MCTP1: variants seen among roughly 807,000 people sequenced by gnomAD.
The protein encoded by MCTP1 is multiple C2 and transmembrane domain containing 1.
MCTP1 carries 69 observed loss-of-function variants against 120.6 expected under a neutral mutation model. The ratio of observed to expected loss-of-function variants is 0.57; its 90% confidence interval spans 0.47 to 0.70. The LOEUF is 0.70. Ranked by LOEUF, MCTP1 falls within the 30% of genes least tolerant of loss-of-function variation. The pLI is 0.00. For missense variants in MCTP1, 1,203 were observed against 1,248.8 expected (o/e 0.96, Z 0.55); for synonymous variants, 529 against 493.1 (o/e 1.07, Z -0.96).
intron 2 of MCTP1, among the ~76,000 whole-genome samples, chr5:95,015,698 T>A (rs1361136526): frequency 1.3e-5 from 2 of 152,178 alleles, no homozygotes; most frequent in East Asian, 3.9e-4. Flanking sequence ...CATATCAATT[T>A]CTAGAGATTT....
intron 1 of MCTP1, among the ~76,000 whole-genome samples, chr5:95,243,339 G>T (rs1756380896): frequency 2.6e-5 from 4 of 152,344 alleles, no homozygotes; most frequent in South Asian, 4.1e-4. Context: ...CCAGTTAGAA[G>T]AAGTGATATT....
intron 2 of MCTP1, among the ~76,000 whole-genome samples, chr5:94,983,480 G>A (rs1581694195): frequency 1.3e-5 from 2 of 152,202 alleles, no homozygotes; most frequent in South Asian, 4.2e-4. Flanking sequence ...TTGGCTAGAG[G>A]CCTAAGCTGC....
intron 18 of MCTP1, among the ~76,000 whole-genome samples, chr5:94,780,112 A>G (rs763946514): frequency 6.6e-6 from 1 of 151,674 alleles, no homozygotes; most frequent in Non-Finnish European, 1.5e-5. Flanking sequence ...TGTGTTTGAC[A>G]TTTGATATGG....
Position 94,786,344 on chromosome 5 carries a change from T to C in MCTP1, c.2557-7181A>G, listed in dbSNP as rs564744590. ...CTTTAAAAATGGAGCATGTTTTGTGTGTCAAAAAATCATAAAGTCAGAAAA... is the reference window on the plus strand; with the variant it reads ...CTTTAAAAATGGAGCATGTTTTGTGCGTCAAAAAATCATAAAGTCAGAAAA... On this transcript the variant is annotated intron_variant, in intron 18 of 22. Transcript: ENST00000515393. Among the ~76,000 whole-genome samples the C allele has an allele frequency of 9.2e-5, 14 of 152,278 alleles. No individual in the cohort carries two copies. In the East Asian group the frequency reaches 2.7e-3, roughly 29 times the overall value.
intron 12 of MCTP1, among the ~76,000 whole-genome samples, chr5:94,886,953 T>C (rs1801490697): frequency 6.6e-6 from 1 of 152,196 alleles, no homozygotes; most frequent in Non-Finnish European, 1.5e-5. Flanking sequence ...CAGACATTTC[T>C]GACTCAAATA....
At chr5:94,924,187 A>C (rs551461262) in intron 6 of MCTP1, among the ~76,000 whole-genome samples, 166 bp from the exon 7 acceptor site, 2 of 152,226 alleles carry the variant, frequency 1.3e-5, no homozygotes, top group East Asian at 3.9e-4. Flanking sequence ...TGAGTAAATT[A>C]AAATTTTTGT....
At chr5:95,098,217 T>C (rs1756420830) in intron 1 of MCTP1, among the ~76,000 whole-genome samples, 1 of 152,216 alleles carries the variant, frequency 6.6e-6, no homozygotes, top group Non-Finnish European at 1.5e-5. Context: ...ATTTCTTCTC[T>C]TGTTACAGGT....
intron 1 of MCTP1, among the ~76,000 whole-genome samples, chr5:95,201,564 G>A (rs1367127138): frequency 2.5e-5 from 3 of 120,522 alleles, no homozygotes; most frequent in African/African-American, 9.4e-5. Context: ...GAGCACATTG[G>A]TGCTATCTTG....
At chr5:94,720,808 T>A (rs1760719260) in intron 19 of MCTP1, among the ~76,000 whole-genome samples, 1 of 152,236 alleles carries the variant, frequency 6.6e-6, no homozygotes, top group Non-Finnish European at 1.5e-5. Flanking sequence ...TTAATATTTT[T>A]ATAAGCTATC....
chr5:95,046,906 A>G (rs1744686028), intron 1 of MCTP1, among the ~76,000 whole-genome samples: 1 of 152,186 alleles, frequency 6.6e-6, no homozygotes, highest in Non-Finnish European at 1.5e-5. Context: ...GAAGTTCATG[A>G]AAGACTACGT....
At position 95,284,182 on chromosome 5, in the gene MCTP1, C is replaced by T. The variant is rs200472086; in HGVS notation, c.394G>A (p.Ala132Thr). ...GAGGCCGCCGCGGGCCCCTTTACGGCGGGGAGCAAATGCTCGCGGATCCGG... is the reference window on the plus strand; with the variant it reads ...GAGGCCGCCGCGGGCCCCTTTACGGTGGGGAGCAAATGCTCGCGGATCCGG... ...RRRIREHLLP[A>T]VKGPAAASGA... The change falls in exon 1 of 23, where the codon GCC becomes ACC. Residue 132 changes from alanine (A) to threonine (T), a missense_variant. Ala to Thr is a moderately conservative substitution (Grantham distance 58). Transcript: ENST00000515393. This position sits in a 1 kb window ranked among gnomAD's most constrained non-coding sequence, Gnocchi z 5.2. 3 of 1,550,794 alleles carry T rather than the reference C, an allele frequency of 1.9e-6. No individual in the cohort carries two copies. The highest frequency in any genetic ancestry group is 2.8e-5 in the African/African-American group (2 of 72,384).
At chr5:95,088,402 C>T (rs927376702) in intron 1 of MCTP1, among the ~76,000 whole-genome samples, 12 of 152,222 alleles carry the variant, frequency 7.9e-5, no homozygotes, top group African/African-American at 2.9e-4. Flanking sequence ...GGGCAGAGAA[C>T]TCACAGCAAC....
chr5:95,025,197 G>T (rs1021104423), intron 1 of MCTP1, among the ~76,000 whole-genome samples: 3 of 152,048 alleles, frequency 2.0e-5, no homozygotes, highest in African/African-American at 7.2e-5. Flanking sequence ...TCAAAACAAC[G>T]AGGTACTGAC....
chr5:94,848,947 G>C (rs1001967859), intron 17 of MCTP1, among the ~76,000 whole-genome samples: 13 of 151,742 alleles, frequency 8.6e-5, no homozygotes, highest in Non-Finnish European at 7.4e-5. Context: ...TGTTGACATA[G>C]TTTTGATAAA....
At chr5:95,121,105 C>T (rs1015068791) in intron 1 of MCTP1, among the ~76,000 whole-genome samples, 6 of 151,742 alleles carry the variant, frequency 4.0e-5, no homozygotes, top group Admixed American at 2.6e-4. Context: ...AGTGAAACCC[C>T]GTCTCTACTA....
At chr5:95,009,518 A>C (rs1404507660) in intron 2 of MCTP1, among the ~76,000 whole-genome samples, 1 of 151,802 alleles carries the variant, frequency 6.6e-6, no homozygotes, top group African/African-American at 2.4e-5. Context: ...ATTTCAAATA[A>C]ATGATAAAAA....
At chr5:94,835,601 A>AG (rs1212443328) in intron 17 of MCTP1, among the ~76,000 whole-genome samples, 1 of 152,200 alleles carries the variant, frequency 6.6e-6, no homozygotes, top group African/African-American at 2.4e-5. Context: ...ACTCACTAAA[A>AG]GGGTTGCTTC....
At chr5:95,174,732 T>C (rs1326964108) in intron 1 of MCTP1, among the ~76,000 whole-genome samples, 1 of 152,168 alleles carries the variant, frequency 6.6e-6, no homozygotes, top group Non-Finnish European at 1.5e-5. Context: ...ATTTCATGAG[T>C]AGTCCTGAGA....
intron 10 of MCTP1, among the ~76,000 whole-genome samples, chr5:94,907,247 G>A (rs1481114986): frequency 2.6e-5 from 4 of 152,178 alleles, no homozygotes; most frequent in Non-Finnish European, 5.9e-5. Flanking sequence ...AAATGATGAT[G>A]CATCATAGTT....
Sources: allele counts gnomAD v4.1 joint callset (sites outside exome capture counted in the v4.1 genomes callset), GRCh38; gene constraint gnomAD v4.1.1; non-coding constraint Gnocchi (gnomAD v3.1); transcripts MANE v1.5; gene names NCBI Gene and HGNC (gene_info 2026-07-23, HGNC 2026-07-21).